The following FARP2 variants were observed in gnomAD, a reference collection of about 807,000 sequenced individuals.
FARP2 encodes the protein FERM, ARH/RhoGEF and pleckstrin domain protein 2, also known as FERM, ARHGEF and pleckstrin domain-containing protein 2.
In FARP2, 111 loss-of-function variants were observed where a neutral mutation model predicts 130.5. That is an observed-to-expected ratio of 0.85 (90% CI 0.73 to 1.00). The LOEUF (loss-of-function observed/expected upper bound fraction) is 1.00, where lower values mean the gene tolerates loss of function less well. Ranked by LOEUF, FARP2 falls within the 50% of genes least tolerant of loss-of-function variation. The probability of loss-of-function intolerance (pLI) is 0.00; values close to 1 mark genes in which losing one functional copy is unlikely to be tolerated. For missense variants in FARP2, 1,385 were observed against 1,346.3 expected, an observed-to-expected ratio of 1.03 and a Z score of -0.45; for synonymous variants, 504 against 516.9, an observed-to-expected ratio of 0.98 and a Z score of 0.34.
Position 241,456,824 on chromosome 2 carries a change from C to A in FARP2, c.1489C>A (p.Pro497Thr). ...GAGTCTGAGCCCTGCATTTCAGGTG[C>A]CTTTGGGCCCAGCTGAACAGGGCTC... ...PLSLSPAFQV[P>T]LGPAEQGSSP... The change falls in exon 14 of 27, where the codon CCT becomes ACT. Residue 497 changes from proline to threonine, a missense_variant. By Grantham distance (38) the Pro-to-Thr change is conservative. Transcript: ENST00000264042. 1 of 1,614,078 alleles carries A rather than the reference C, an allele frequency of 6.2e-7. No homozygotes were observed. Among genetic ancestry groups the A allele is most frequent in the Non-Finnish European group, 8.5e-7 (1 of 1,179,972 alleles).
At chr2:241,451,586 G>A (rs912621783) in intron 13 of FARP2, among the ~76,000 whole-genome samples, 2 of 152,212 alleles carry the variant, frequency 1.3e-5, no homozygotes, top group East Asian at 1.9e-4. Context: ...AGGGACTCTC[G>A]AAACTCAGAG....
chr2:241,442,200 G>A (rs189322722), intron 13 of FARP2: 1 of 456,466 alleles, frequency 2.2e-6, no homozygotes, highest in East Asian at 7.0e-5. Flanking sequence ...GTGGTGGGCT[G>A]TCTGTGCACA....
At chr2:241,396,905 T>C (rs2062043910) in intron 2 of FARP2, among the ~76,000 whole-genome samples, 1 of 152,198 alleles carries the variant, frequency 6.6e-6, no homozygotes, top group South Asian at 2.1e-4. Flanking sequence ...TGCGGCACTA[T>C]TCACAATGGC....
At chr2:241,414,613 AT>A (rs2062616193) in intron 7 of FARP2, among the ~76,000 whole-genome samples, 1 of 152,136 alleles carries the variant, frequency 6.6e-6, no homozygotes, top group Admixed American at 6.5e-5. Flanking sequence ...ACCCCGTAAG[AT>A]TGTGTGGATT....
At position 241,475,847 on chromosome 2, in the gene FARP2, C is replaced by T. The variant is rs200449095; in HGVS notation, c.2132-10C>T. On this transcript the variant is annotated splice_polypyrimidine_tract_variant and intron_variant, in intron 18 of 26. Transcript: ENST00000264042. This position sits in a 1 kb window ranked among gnomAD's most constrained non-coding sequence, Gnocchi z 4.4. ...CCTGTACACCTGTACTGAGGGGTCT[C>T]TCCACACAGACGCCCTGAAAGCCAT... 6 of 1,609,188 alleles carry T rather than the reference C, an allele frequency of 3.7e-6. No homozygotes were observed. In the South Asian group the frequency reaches 5.5e-5, roughly 15 times the overall value.
At chr2:241,369,270 G>A (rs1199347450) in intron 1 of FARP2, among the ~76,000 whole-genome samples, 1 of 152,074 alleles carries the variant, frequency 6.6e-6, no homozygotes, top group Non-Finnish European at 1.5e-5. Flanking sequence ...TAAAAAACTT[G>A]TTTTAAACAT....
intron 5 of FARP2, among the ~76,000 whole-genome samples, chr2:241,409,321 G>T (rs766221049): frequency 5.9e-5 from 9 of 152,132 alleles, no homozygotes; most frequent in South Asian, 2.1e-4. Context: ...ACGCCAAGGT[G>T]GGGGGATCAG....
chr2:241,436,497 C>T lies in FARP2; in HGVS notation c.1117C>T (p.His373Tyr). The change falls in exon 12 of 27, where the codon CAC becomes TAC. Residue 373 changes from histidine (H) to tyrosine (Y), a missense_variant. Physicochemically the swap from His to Tyr is moderately conservative, Grantham distance 83. Coordinates refer to ENST00000264042, the MANE Select transcript of FARP2 (RefSeq NM_014808.4). ...IPYERRHSKT[H>Y]TSVRALTADL... is the part of the protein sequence containing the mutation. ...GTTTTGCAGAAGGCACAGCAAGACC[C>T]ACACGTCCGTTCGAGCTCTGACTGC... 2 of 1,614,200 alleles carry T rather than the reference C, an allele frequency of 1.2e-6. No individual in the cohort carries two copies. The highest frequency in any genetic ancestry group is 2.2e-5 in the South Asian group (2 of 91,084).
chr2:241,483,500 CA>C lies in FARP2; in HGVS notation c.2300del (p.Lys767ArgfsTer81), dbSNP rs754238123. 6 of 1,614,118 alleles carry C rather than the reference CA, an allele frequency of 3.7e-6. No individual in the cohort carries two copies. The African/African-American group carries it at 8.0e-5, about 22-fold the overall frequency. Reference protein sequence around the residue: ...IREGCLHKLTKKGLQQRMFFL... With the variant: ...IREGCLHKLTXKGLQQRMFFL... Reference sequence around the variant, plus strand: ...GTGAGGGCTGCCTTCACAAGCTCACCAAGAAGGGCCTGCAGCAGAGGATGTT... The same window carrying C: ...GTGAGGGCTGCCTTCACAAGCTCACCAGAAGGGCCTGCAGCAGAGGATGTT... On this transcript the variant is annotated frameshift_variant, in exon 20 of 27. Transcript: ENST00000264042. LOFTEE classifies it high-confidence loss of function.
chr2:241,457,434 A>ACAGTGGAGGAGCC, intron 14 of FARP2, among the ~76,000 whole-genome samples: 1 of 135,286 alleles, frequency 7.4e-6, no homozygotes, highest in Middle Eastern at 3.9e-3. Flanking sequence ...CCCAGTGTAG[A>ACAGTGGAGGAGCC]AAGATCTGGG....
At chr2:241,446,322 T>A (rs1008539604) in intron 13 of FARP2, 15 of 152,116 alleles carry the variant, frequency 9.9e-5, no homozygotes, top group African/African-American at 3.4e-4. Context: ...GATTGAGGGA[T>A]GGACAATAGC....
intron 2 of FARP2, among the ~76,000 whole-genome samples, chr2:241,385,685 A>G (rs1041313915): frequency 1.7e-4 from 26 of 152,178 alleles, no homozygotes; most frequent in Admixed American, 1.6e-3. Flanking sequence ...GCACCACTGC[A>G]CTCCAGCCTG....
chr2:241,442,252 A>G (rs984178257), intron 13 of FARP2: 1 of 456,568 alleles, frequency 2.2e-6, no homozygotes, highest in Admixed American at 2.3e-5. Flanking sequence ...CTCCATGGTC[A>G]ACTTCCCAGC....
chr2:241,361,267 AT>A (rs1177766107), intron 1 of FARP2, among the ~76,000 whole-genome samples: 2 of 152,066 alleles, frequency 1.3e-5, no homozygotes, highest in Non-Finnish European at 2.9e-5. Context: ...CTTCACCTTT[AT>A]TTCATAAAAG....
intron 26 of FARP2, 101 bp downstream of exon 26, chr2:241,493,545 A>C: frequency 9.1e-7 from 1 of 1,102,888 alleles, no homozygotes; most frequent in Non-Finnish European, 1.4e-6. Context: ...TGGGCCCTGG[A>C]AAGGAAGGGC....
intron 2 of FARP2, among the ~76,000 whole-genome samples, chr2:241,382,362 C>A (rs1017769995): frequency 1.3e-5 from 2 of 148,852 alleles, no homozygotes; most frequent in Non-Finnish European, 3.0e-5. Flanking sequence ...TGGTGCAATC[C>A]AACCTCCGCC....
chr2:241,373,088 T>A lies in FARP2; in HGVS notation c.-20T>A. ...TTTTTTTTTTTTTCATTTTAGTGTT[T>A]TCTTCACTCATGGTGAAGAATGGGG... On this transcript the variant is annotated 5_prime_UTR_variant, in exon 2 of 27. Coordinates refer to ENST00000264042, the MANE Select transcript of FARP2 (RefSeq NM_014808.4). The A allele has an allele frequency of 7.4e-7, 1 of 1,352,798 alleles. No individual in the cohort carries two copies. Among genetic ancestry groups the A allele is most frequent in the Non-Finnish European group, 9.6e-7 (1 of 1,036,430 alleles). The allele number at this position is 1,352,798 out of a possible 1,614,324, so 83.8% of individuals were successfully genotyped here. A position where few individuals can be genotyped will look rare whatever the true frequency, so the allele number is the denominator to read the frequency against.
At position 241,492,964 on chromosome 2, in the gene FARP2, A is replaced by C. The variant is rs774148238; in HGVS notation, c.2823A>C (p.Lys941Asn). ...QLSGYLLRKFKNSHGWQKLWV... is the reference protein window; with the variant it reads ...QLSGYLLRKFNNSHGWQKLWV... The stretch of plus-strand genomic sequence containing the variant: ...CAGGATATCTGCTAAGAAAGTTCAA[A>C]AACAGTCATGGCTGGCAGAAGCTCT... The change falls in exon 25 of 27, where the codon AAA becomes AAC. Residue 941 changes from lysine (K) to asparagine (N), a missense_variant. Physicochemically the swap from Lys to Asn is moderately conservative, Grantham distance 94. Coordinates refer to ENST00000264042, the MANE Select transcript of FARP2 (RefSeq NM_014808.4). 1.2e-5 allele frequency: 19 copies of C among 1,613,088 alleles called. No individual in the cohort carries two copies. Among genetic ancestry groups the C allele is most frequent in the Non-Finnish European group, 1.6e-5 (19 of 1,179,048 alleles).
intron 18 of FARP2, among the ~76,000 whole-genome samples, chr2:241,473,945 C>T (rs1216161699): frequency 2.0e-5 from 3 of 152,008 alleles, no homozygotes; most frequent in Admixed American, 1.3e-4. Flanking sequence ...ATCTCTTCAC[C>T]TACTTCATTC....
Sources: gnomAD v4.1 joint callset for allele counts (sites outside exome capture counted in the v4.1 genomes callset) on GRCh38, gnomAD v4.1.1 for gene constraint, Gnocchi (gnomAD v3.1) non-coding constraint, MANE v1.5 for transcripts, NCBI Gene and HGNC (gene_info 2026-07-23, HGNC 2026-07-21) for gene names.